The following ZNF728 variants were observed in gnomAD, a reference collection of about 807,000 sequenced individuals.
The protein encoded by ZNF728 is zinc finger protein 728.
A neutral mutation model predicts 12.5 loss-of-function variants in ZNF728; 12 were observed. The ratio of observed to expected loss-of-function variants is 0.96; its 90% CI spans 0.61 to 1.55. ZNF728 has a LOEUF of 1.55. Ranked by LOEUF, ZNF728 falls within the 40% of genes most tolerant of loss-of-function variation. The probability of loss-of-function intolerance (pLI) is 0.00; values close to 1 mark genes in which losing one functional copy is unlikely to be tolerated. For synonymous variants in ZNF728, 205 were observed against 240.7 expected (o/e 0.85, Z 1.37); for missense variants, 692 against 719.2 (o/e 0.96, Z 0.43).
chr19:22,987,514 A>T (rs1968930774), intron 2 of ZNF728, 111 bp from the exon 3 acceptor site: 4 of 1,031,080 alleles, frequency 3.9e-6, no homozygotes, highest in Non-Finnish European at 5.2e-6. Flanking sequence ...CATTTATCCC[A>T]AAATACTAAA....
rs1968781145 is a variant in ZNF728 at position 22,975,362 on chromosome 19, G to A, written c.*106C>T. 1 of 1,031,418 alleles carries A rather than the reference G, an allele frequency of 9.7e-7. No homozygotes were observed. Among genetic ancestry groups the A allele is most frequent in the African/African-American group, 1.6e-5 (1 of 62,266 alleles). 63.9% of individuals were successfully genotyped at this position (1,031,418 alleles called of 1,614,324 possible). A position where few individuals can be genotyped will look rare whatever the true frequency, so the allele number is the denominator to read the frequency against. On this transcript the variant is annotated 3_prime_UTR_variant, in exon 4 of 4. Transcript: ENST00000594710. Reference sequence around the variant, plus strand: ...TATGTTTAGTAAGGATTGAGGAACAGTTAAAAAATTTGCCACATTCTTCAC... The same window carrying A: ...TATGTTTAGTAAGGATTGAGGAACAATTAAAAAATTTGCCACATTCTTCAC...
chr19:22,989,311 T>C (rs1446838607), intron 1 of ZNF728, among the ~76,000 whole-genome samples: 1 of 152,066 alleles, frequency 6.6e-6, no homozygotes, highest in Admixed American at 6.5e-5. Flanking sequence ...AAAAAGACTA[T>C]TTTGTCAAAT....
rs1327667464 is a variant in ZNF728 at position 22,976,919 on chromosome 19, T to C, written c.418A>G (p.Thr140Ala). 1.2e-6 allele frequency: 2 copies of C among 1,613,452 alleles called. No individual in the cohort carries two copies. Among genetic ancestry groups the C allele is most frequent in the African/African-American group, 1.3e-5 (1 of 74,920 alleles). Residue 140 changes from threonine (T) to alanine (A), a missense_variant, in exon 4 of 4, where the codon ACA becomes GCA. Physicochemically the swap from Thr to Ala is moderately conservative, Grantham distance 58. Coordinates refer to ENST00000594710, the MANE Select transcript of ZNF728 (RefSeq NM_001267716.2). ...YNKLNQSLTT[T>A]QSKVFQCGKY... ...CCACATTGAAATACTTTGCTTTGTG[T>C]AGTTGTCAAACTCTGGTTAAGCTTA...
At position 22,976,149 on chromosome 19, in the gene ZNF728, G is replaced by T. The variant is rs760489431; in HGVS notation, c.1188C>A (p.Tyr396Ter). 17 of 1,613,174 alleles carry T rather than the reference G, an allele frequency of 1.1e-5. No homozygotes were observed. In the East Asian group the frequency reaches 3.8e-4, roughly 36 times the overall value. ...AGGTTTTGCCACATTCTTCACATTT[G>T]TAAGGTTTGTCTCCAGCATGAATTC... ...HKRIHAGDKP[Y>*]KCEECGKTFK... Residue 396 changes from tyrosine to a stop codon, truncating the protein, a stop_gained, in exon 4 of 4, where the codon TAC (tyrosine) becomes TAA (stop). Coordinates refer to ENST00000594710, the MANE Select transcript of ZNF728 (RefSeq NM_001267716.2). LOFTEE classifies it low-confidence loss of function (END_TRUNC).
intron 3 of ZNF728, among the ~76,000 whole-genome samples, chr19:22,984,793 A>G (rs1968898500): frequency 6.6e-6 from 1 of 152,034 alleles, no homozygotes; most frequent in Non-Finnish European, 1.5e-5. Flanking sequence ...CCAAAAGTAT[A>G]TAGAATTTCA....
At chr19:22,994,487 T>G (rs562427622) in intron 1 of ZNF728, among the ~76,000 whole-genome samples, 5 of 152,210 alleles carry the variant, frequency 3.3e-5, no homozygotes, top group Non-Finnish European at 7.3e-5. Context: ...GAATGTGACA[T>G]GCATTACAGT....
intron 1 of ZNF728, among the ~76,000 whole-genome samples, chr19:22,991,460 T>C (rs1311220370): frequency 6.6e-6 from 1 of 152,220 alleles, no homozygotes; most frequent in Non-Finnish European, 1.5e-5. Flanking sequence ...TGGAAAGAAT[T>C]TAATGCAATT....
In ZNF728 at chr19:23,003,074, C is replaced by A; in HGVS notation, c.-44G>T. ...CCTGGCGACTTAGTTGTGAATCTCC[C>A]AATACCTGCAGGTCACAGGGCCATA... On this transcript the variant is annotated 5_prime_UTR_variant, in exon 1 of 4. Coordinates refer to ENST00000594710, the MANE Select transcript of ZNF728 (RefSeq NM_001267716.2). The A allele has an allele frequency of 6.4e-7, 1 of 1,567,530 alleles. No individual in the cohort carries two copies. Among genetic ancestry groups the A allele is most frequent in the Non-Finnish European group, 8.6e-7 (1 of 1,157,378 alleles).
In ZNF728 at chr19:22,976,083, A is replaced by T. The variant is rs781712187; in HGVS notation, c.1254T>A (p.His418Gln). 6.2e-7 allele frequency: 1 copy of T among 1,612,846 alleles called. No homozygotes were observed. Among genetic ancestry groups the T allele is most frequent in the Admixed American group, 1.7e-5 (1 of 59,958 alleles). Residue 418 changes from histidine to glutamine, a missense_variant, in exon 4 of 4, where the codon CAT becomes CAA. By Grantham distance (24) the His-to-Gln change is conservative. This residue lies in a region of ZNF728 where 244 missense variants were observed against 235.2 expected (regional missense o/e 1.04). Coordinates refer to ENST00000594710, the MANE Select transcript of ZNF728 (RefSeq NM_001267716.2). ...CACATTTGTAGGGTTTCTCTCCAGT[A>T]TGAATTATCTTATGTTTAGTAAGTG... ...SSTLTKHKII[H>Q]TGEKPYKCEE...
intron 1 of ZNF728, among the ~76,000 whole-genome samples, chr19:22,999,504 A>T (rs534311111): frequency 6.6e-6 from 1 of 152,114 alleles, no homozygotes; most frequent in African/African-American, 2.4e-5. Context: ...GAAGGAACTA[A>T]CTGGGCCTTT....
At chr19:22,978,118 C>T (rs1599526333) in intron 3 of ZNF728, among the ~76,000 whole-genome samples, 1 of 151,748 alleles carries the variant, frequency 6.6e-6, no homozygotes, top group African/African-American at 2.4e-5. Context: ...AATTAGGATA[C>T]ACACAAATAC....
At chr19:22,991,412 T>C (rs1568277259) in intron 1 of ZNF728, among the ~76,000 whole-genome samples, 1 of 152,162 alleles carries the variant, frequency 6.6e-6, no homozygotes, top group Non-Finnish European at 1.5e-5. Flanking sequence ...AAAAAATGCA[T>C]AGAAAAGGTA....
At chr19:22,994,141 A>G (rs1451510540) in intron 1 of ZNF728, among the ~76,000 whole-genome samples, 2 of 152,208 alleles carry the variant, frequency 1.3e-5, no homozygotes, top group Admixed American at 1.3e-4. Flanking sequence ...TGAAAGAGGT[A>G]AAATGGCTAA....
Position 22,984,577 on chromosome 19 carries a change from T to TACACAC in ZNF728, c.226+2725_226+2730dup, listed in dbSNP as rs57794293. 1.7e-3 allele frequency among the ~76,000 whole-genome samples: 189 copies of TACACAC among 109,236 alleles called. 2 individuals carry two copies. The highest frequency in any genetic ancestry group is 5.4e-3 in the Middle Eastern group (1 of 186). The allele number at this position is 109,236 out of a possible 152,430, so 71.7% of individuals were successfully genotyped here. ...CATCTCAAAAAAAAAAAAAAAAAAA[T>TACACAC]ACACACACACACACACACACACACA... On this transcript the variant is annotated intron_variant, in intron 3 of 3. Transcript: ENST00000594710.
At chr19:22,996,286 G>A (rs1599533602) in intron 1 of ZNF728, among the ~76,000 whole-genome samples, 2 of 152,092 alleles carry the variant, frequency 1.3e-5, no homozygotes, top group Non-Finnish European at 2.9e-5. Context: ...TACTATTGTA[G>A]AAAATACTGT....
chr19:22,984,321 G>A (rs1413012148), intron 3 of ZNF728, among the ~76,000 whole-genome samples: 1 of 151,914 alleles, frequency 6.6e-6, no homozygotes, highest in Non-Finnish European at 1.5e-5. Context: ...CACTTTGGGA[G>A]GCCGAGGTGG....
In ZNF728 at chr19:22,975,590, T is replaced by C. The variant is rs1402469146; in HGVS notation, c.1747A>G (p.Lys583Glu). 6.2e-6 allele frequency: 10 copies of C among 1,605,862 alleles called. No individual in the cohort carries two copies. The highest frequency in any genetic ancestry group is 4.2e-6 in the Non-Finnish European group (5 of 1,177,578). The part of the protein sequence containing the change: ...FSWVSVLNKH[K>E]KIHAGKKFYK... ...AATTTCTTTCCAGCATGAATTTTCT[T>C]ATGTTTGTTAAGGACTGAGACCCAG... The change falls in exon 4 of 4, where the codon AAG becomes GAG. Residue 583 changes from lysine to glutamate, a missense_variant. This residue lies in a region of ZNF728 where 244 missense variants were observed against 235.2 expected (regional missense o/e 1.04). Transcript: ENST00000594710.
rs114438012 is a variant in ZNF728, at chr19:22,993,650, G to A, written c.4-5199C>T. 4.6e-3 allele frequency among the ~76,000 whole-genome samples: 694 copies of A among 152,264 alleles called. 5 individuals carry two copies. Among genetic ancestry groups the A allele is most frequent in the African/African-American group, 0.014 (570 of 41,562 alleles). On this transcript the variant is annotated intron_variant, in intron 1 of 3. Coordinates refer to ENST00000594710, the MANE Select transcript of ZNF728 (RefSeq NM_001267716.2). ...AGTGAGCTGATACAAAATTGGTTGC[G>A]AGAAATTCTTATTTATGTAAAGAAA...
At chr19:22,988,638 A>T (rs1968946484) in intron 1 of ZNF728, among the ~76,000 whole-genome samples, 187 bp from the exon 2 acceptor site, 1 of 152,244 alleles carries the variant, frequency 6.6e-6, no homozygotes, top group Non-Finnish European at 1.5e-5. Context: ...CTGAGAAAAG[A>T]AAGTGGTATA....
Sources: gnomAD v4.1 joint callset for allele counts (sites outside exome capture counted in the v4.1 genomes callset) on GRCh38, gnomAD v4.1.1 for gene constraint, gnomAD v4.1.1 regional missense constraint, MANE v1.5 for transcripts, NCBI Gene and HGNC (gene_info 2026-07-23, HGNC 2026-07-21) for gene names.